The following CCSAP variants were observed in gnomAD, a reference collection of about 807,000 sequenced individuals.
The protein encoded by CCSAP is centriole, cilia and spindle-associated protein.
In CCSAP, 17 loss-of-function variants were observed where a neutral mutation model predicts 25.9. The ratio of observed to expected loss-of-function variants is 0.66; its 90% CI spans 0.45 to 0.99. The LOEUF is 0.99. CCSAP is among the 50% of genes least tolerant of loss of function. The pLI is 0.00. For synonymous variants in CCSAP, 169 were observed against 157.1 expected, an observed-to-expected ratio of 1.08 and a Z score of -0.57; for missense variants, 339 against 367.8, an observed-to-expected ratio of 0.92 and a Z score of 0.64.
chr1:229,342,042 CT>C lies in CCSAP; in HGVS notation c.367+56del. On this transcript the variant is annotated intron_variant, in intron 2 of 3. Transcript: ENST00000284617. This position sits in a 1 kb window ranked among gnomAD's most constrained non-coding sequence, Gnocchi z 7.5. ...GAAATAAGAGATCAGCTGCTCAGAG[CT>C]TAGAGCAAACCGTCCCTGCGTGCAG... 7.8e-7 allele frequency: 1 copy of C among 1,288,514 alleles called. No homozygotes were observed. The highest frequency in any genetic ancestry group is 3.2e-5 in the Admixed American group (1 of 31,166). The allele number at this position is 1,288,514 out of a possible 1,614,324, so 79.8% of individuals were successfully genotyped here.
intron 2 of CCSAP, among the ~76,000 whole-genome samples, chr1:229,331,787 T>TTATTA (rs1658072923): frequency 7.1e-6 from 1 of 140,642 alleles, no homozygotes; most frequent in African/African-American, 2.6e-5. Context: ...CTAATATCCT[T>TTATTA]TTATTATTAT....
intron 2 of CCSAP, among the ~76,000 whole-genome samples, chr1:229,331,505 C>T (rs1015440862): frequency 2.0e-5 from 3 of 151,970 alleles, no homozygotes; most frequent in Admixed American, 1.3e-4. Context: ...TGTGTGTGTT[C>T]GTTTTTGTCC....
In CCSAP at chr1:229,326,754, G is replaced by A. The variant is rs752333638; in HGVS notation, c.620C>T (p.Ser207Phe). ...AGAGCGCACCTCGTGCACAGGAGCG[G>A]ACGCACAGACGTTGTGAGTCTTCTG... is the stretch of plus-strand genomic sequence containing the variant. Reference protein sequence around the residue: ...GSQKTHNVCASAPVHEIHESA... With the variant: ...GSQKTHNVCAFAPVHEIHESA... The change falls in exon 3 of 4, where the codon TCC becomes TTC. Residue 207 changes from serine (S) to phenylalanine (F), a missense_variant. Ser to Phe is a radical substitution (Grantham distance 155). Transcript: ENST00000284617. The A allele has an allele frequency of 6.2e-7, 1 of 1,614,084 alleles. No homozygotes were observed. Among genetic ancestry groups the A allele is most frequent in the African/African-American group, 1.3e-5 (1 of 74,934 alleles).
chr1:229,339,881 G>A (rs1658288512), intron 2 of CCSAP, among the ~76,000 whole-genome samples: 1 of 152,136 alleles, frequency 6.6e-6, no homozygotes, highest in African/African-American at 2.4e-5. Flanking sequence ...TGCAGGTGTG[G>A]AGATGGGCCG....
chr1:229,332,133 G>A (rs746856326), intron 2 of CCSAP, among the ~76,000 whole-genome samples: 4 of 152,164 alleles, frequency 2.6e-5, no homozygotes, highest in Non-Finnish European at 5.9e-5. Context: ...GTGAGCCACT[G>A]CGCCCGGCCT....
rs1657837838 is a variant in CCSAP at position 229,322,062 on chromosome 1, A to G, written c.*3173T>C. The G allele has an allele frequency of 6.6e-6, 1 of 152,250 alleles. No homozygotes were observed. The allele number at this position is 152,250 out of a possible 1,614,324, so 9.4% of individuals were successfully genotyped here. A position where few individuals can be genotyped will look rare whatever the true frequency, so the allele number is the denominator to read the frequency against. On this transcript the variant is annotated 3_prime_UTR_variant, in exon 4 of 4. Coordinates refer to ENST00000284617, the MANE Select transcript of CCSAP (RefSeq NM_145257.5). The stretch of plus-strand genomic sequence containing the variant: ...ACCATTTTATAGAAGGGGTTTGAGT[A>G]TCCATGGAGTTTGGCATCCTAAGGG...
chr1:229,325,424 C>T lies in CCSAP; in HGVS notation c.637-13G>A, dbSNP rs746943810. On this transcript the variant is annotated splice_polypyrimidine_tract_variant and intron_variant, in intron 3 of 3. Coordinates refer to ENST00000284617, the MANE Select transcript of CCSAP (RefSeq NM_145257.5). ...CTGATTCATGAATCTAAAGAGAGTT[C>T]AAAATAAAGGATAGTAACTTAAGGG... The T allele has an allele frequency of 1.2e-5, 20 of 1,607,540 alleles. No individual in the cohort carries two copies. The highest frequency in any genetic ancestry group is 5.6e-5 in the South Asian group (5 of 89,844).
chr1:229,338,061 TC>T (rs1282086110), intron 2 of CCSAP, among the ~76,000 whole-genome samples: 4 of 152,148 alleles, frequency 2.6e-5, no homozygotes, highest in Non-Finnish European at 4.4e-5. Flanking sequence ...CAGCCATAAT[TC>T]AAACACAGAA....
intron 2 of CCSAP, among the ~76,000 whole-genome samples, chr1:229,328,561 C>A (rs1657999674): frequency 6.6e-6 from 1 of 152,204 alleles, no homozygotes; most frequent in Admixed American, 6.5e-5. Context: ...CCTGCCTCGG[C>A]CTCCCAAAGT....
At chr1:229,326,672 G>A in intron 3 of CCSAP, 66 bp downstream of exon 3, 1 of 1,580,370 alleles carries the variant, frequency 6.3e-7, no homozygotes, top group South Asian at 1.1e-5. Flanking sequence ...GATGCCCGAT[G>A]ACAGGCGCAT....
intron 2 of CCSAP, chr1:229,340,465 A>G (rs895885876): frequency 2.4e-5 from 17 of 714,540 alleles, no homozygotes; most frequent in Admixed American, 1.0e-4. Context: ...TTTATATTGC[A>G]TGCAAATATT....
chr1:229,321,498 G>C lies in CCSAP; in HGVS notation c.*3737C>G, dbSNP rs1339182444. The C allele has an allele frequency of 6.6e-6, 1 of 151,996 alleles. No individual in the cohort carries two copies. Among genetic ancestry groups the C allele is most frequent in the African/African-American group, 2.4e-5 (1 of 41,350 alleles). The allele number at this position is 151,996 out of a possible 1,614,324, so 9.4% of individuals were successfully genotyped here. ...AAATGCAAACGTTGTGCAATGACCA[G>C]GTCATATTTTTAAGATCACTCTTTA... On this transcript the variant is annotated 3_prime_UTR_variant, in exon 4 of 4. Transcript: ENST00000284617.
intron 3 of CCSAP, among the ~76,000 whole-genome samples, chr1:229,325,618 G>T (rs974443831): frequency 1.3e-5 from 2 of 152,184 alleles, no homozygotes; most frequent in Non-Finnish European, 2.9e-5. Context: ...TCATATCAGG[G>T]ATAATGAAAC....
At chr1:229,331,787 T>TTTATTATCA in intron 2 of CCSAP, among the ~76,000 whole-genome samples, 1 of 140,636 alleles carries the variant, frequency 7.1e-6, no homozygotes, top group Admixed American at 7.1e-5. Flanking sequence ...CTAATATCCT[T>TTTATTATCA]TTATTATTAT....
At position 229,342,745 on chromosome 1, in the gene CCSAP, G is replaced by A. The variant is rs1571860080; in HGVS notation, c.-49+167C>T. On this transcript the variant is annotated intron_variant, in intron 1 of 3. Coordinates refer to ENST00000284617, the MANE Select transcript of CCSAP (RefSeq NM_145257.5). The surrounding 1 kb of genome is among the most constrained non-coding windows in gnomAD (Gnocchi z 7.5). Reference sequence around the variant, plus strand: ...CGCCGCCGAGGAGGGCTGCTCAGTGGGCGGAAGGCAGGGAGGCTGCGGGCT... The same window carrying A: ...CGCCGCCGAGGAGGGCTGCTCAGTGAGCGGAAGGCAGGGAGGCTGCGGGCT... Among the ~76,000 whole-genome samples, 1 of 152,102 alleles carries A rather than the reference G, an allele frequency of 6.6e-6. No homozygotes were observed.
At chr1:229,326,437 GC>G (rs2102691267) in intron 3 of CCSAP, among the ~76,000 whole-genome samples, 1 of 152,250 alleles carries the variant, frequency 6.6e-6, no homozygotes, top group East Asian at 1.9e-4. Flanking sequence ...TAACCTTCCG[GC>G]CCCCCAGGAA....
chr1:229,325,417 G>T lies in CCSAP; in HGVS notation c.637-6C>A. 1 of 1,609,904 alleles carries T rather than the reference G, an allele frequency of 6.2e-7. No individual in the cohort carries two copies. Among genetic ancestry groups the T allele is most frequent in the South Asian group, 1.1e-5 (1 of 90,282 alleles). Reference sequence around the variant, plus strand: ...CGTAATGCTGATTCATGAATCTAAAGAGAGTTCAAAATAAAGGATAGTAAC... The same window carrying T: ...CGTAATGCTGATTCATGAATCTAAATAGAGTTCAAAATAAAGGATAGTAAC... On this transcript the variant is annotated splice_region_variant and splice_polypyrimidine_tract_variant and intron_variant, in intron 3 of 3. Coordinates refer to ENST00000284617, the MANE Select transcript of CCSAP (RefSeq NM_145257.5).
At chr1:229,341,051 G>C (rs932063741) in intron 2 of CCSAP, among the ~76,000 whole-genome samples, 5 of 151,728 alleles carry the variant, frequency 3.3e-5, no homozygotes, top group Admixed American at 6.6e-5. Flanking sequence ...AAAATTAGCC[G>C]GGCGTGGTGG....
At chr1:229,335,936 A>C (rs990794067) in intron 2 of CCSAP, among the ~76,000 whole-genome samples, 1 of 152,134 alleles carries the variant, frequency 6.6e-6, no homozygotes, top group African/African-American at 2.4e-5. Flanking sequence ...AATAAATAAA[A>C]AATAATACAA....
Sources: allele counts gnomAD v4.1 joint callset (sites outside exome capture counted in the v4.1 genomes callset), GRCh38; gene constraint gnomAD v4.1.1; non-coding constraint Gnocchi (gnomAD v3.1); transcripts MANE v1.5; gene names NCBI Gene and HGNC (gene_info 2026-07-23, HGNC 2026-07-21).